The following GPBP1 variants were observed in gnomAD, a reference collection of about 807,000 sequenced individuals.
The protein encoded by GPBP1 is vasculin.
A neutral mutation model predicts 56.5 loss-of-function variants in GPBP1; 13 were observed. That is an observed-to-expected ratio of 0.23 (90% CI 0.15 to 0.37). The LOEUF (loss-of-function observed/expected upper bound fraction) is 0.37. Ranked by LOEUF, GPBP1 falls within the 10% of genes least tolerant of loss-of-function variation. The pLI, the probability that GPBP1 is intolerant of heterozygous loss-of-function variation, is 1.00. For missense variants in GPBP1, 477 were observed against 572.3 expected (o/e 0.83, Z 1.70); for synonymous variants, 204 against 188.9 (o/e 1.08, Z -0.66).
intron 2 of GPBP1, among the ~76,000 whole-genome samples, chr5:57,190,967 C>T (rs1045917877): frequency 6.6e-6 from 1 of 151,968 alleles, no homozygotes; most frequent in Non-Finnish European, 1.5e-5. Context: ...AACATGTTGT[C>T]TTGAACTCTA....
intron 6 of GPBP1, among the ~76,000 whole-genome samples, chr5:57,240,389 A>T (rs1740768007): frequency 6.6e-6 from 1 of 152,048 alleles, no homozygotes; most frequent in African/African-American, 2.4e-5. Context: ...CAATGTGATG[A>T]TGACTCTTGA....
intron 6 of GPBP1, among the ~76,000 whole-genome samples, chr5:57,243,870 G>T (rs117174517): frequency 0.015 from 2,326 of 151,472 alleles, 135 homozygotes; most frequent in East Asian, 0.099. Context: ...ATTTTTTTTT[G>T]TAGAGACAAA....
intron 2 of GPBP1, among the ~76,000 whole-genome samples, chr5:57,211,783 T>C (rs1755492686): frequency 6.6e-6 from 1 of 151,710 alleles, no homozygotes; most frequent in Admixed American, 6.6e-5. Context: ...AGGTTTCTCC[T>C]TGTTGGTCAA....
At chr5:57,181,058 G>A (rs1320352446) in intron 2 of GPBP1, among the ~76,000 whole-genome samples, 1 of 152,206 alleles carries the variant, frequency 6.6e-6, no homozygotes, top group Admixed American at 6.5e-5. Flanking sequence ...AGGGGGCCAG[G>A]TGCAGTGGCT....
At chr5:57,179,744 G>T (rs926867025) in intron 2 of GPBP1, among the ~76,000 whole-genome samples, 1 of 151,998 alleles carries the variant, frequency 6.6e-6, no homozygotes, top group Middle Eastern at 3.2e-3. Context: ...GGGATTACCC[G>T]CATGTGCCAC....
chr5:57,222,278 A>G (rs771361530), intron 3 of GPBP1, among the ~76,000 whole-genome samples: 1 of 152,154 alleles, frequency 6.6e-6, no homozygotes, highest in Non-Finnish European at 1.5e-5. Flanking sequence ...AGACACTCTT[A>G]TCTCCCCCTG....
chr5:57,243,009 A>T (rs1447104676), intron 6 of GPBP1, among the ~76,000 whole-genome samples: 5 of 151,512 alleles, frequency 3.3e-5, no homozygotes, highest in Non-Finnish European at 5.9e-5. Flanking sequence ...TCAGCCTCCC[A>T]AAGTGTTGGG....
intron 3 of GPBP1, among the ~76,000 whole-genome samples, chr5:57,217,311 G>A (rs772129131): frequency 6.6e-6 from 1 of 152,174 alleles, no homozygotes; most frequent in Admixed American, 6.5e-5. Context: ...GGTGGCTCAC[G>A]CCTATAATCC....
In GPBP1 at chr5:57,249,424, T is replaced by C. The variant is rs773916746; in HGVS notation, c.820T>C (p.Ser274Pro). The C allele has an allele frequency of 7.5e-6, 12 of 1,599,118 alleles. No individual in the cohort carries two copies. Among genetic ancestry groups the C allele is most frequent in the Non-Finnish European group, 1.0e-5 (12 of 1,175,138 alleles). Residue 274 changes from serine (S) to proline (P), a missense_variant, in exon 9 of 12, where the codon TCC becomes CCC. By Grantham distance (74) the Ser-to-Pro change is moderately conservative. Coordinates refer to ENST00000506184, the MANE Select transcript of GPBP1 (RefSeq NM_022913.4). ...NSVKECNRSN[S>P]SSPVDKLNQQ... is the part of the protein sequence containing the mutation. ...TTCCTCTTAGTGTAATCGCTCAAAT[T>C]CCTCTTCTCCTGTTGACAAACTTAA...
intron 3 of GPBP1, among the ~76,000 whole-genome samples, chr5:57,227,764 T>C (rs1756261935): frequency 6.6e-6 from 1 of 152,232 alleles, no homozygotes; most frequent in Non-Finnish European, 1.5e-5. Context: ...CTTTGTCTCA[T>C]GTCTTTTGCC....
chr5:57,235,962 C>T lies in GPBP1; in HGVS notation c.412-4C>T, dbSNP rs200932443. On this transcript the variant is annotated splice_polypyrimidine_tract_variant and splice_region_variant and intron_variant, in intron 5 of 11. Transcript: ENST00000506184. ...GTGAAATGTTTATTCCAACTTTCTT[C>T]CAGCCGTCTTTAAATCCTGAGTATG... The T allele has an allele frequency of 1.3e-4, 209 of 1,603,122 alleles. No individual in the cohort carries two copies. In the Middle Eastern group the frequency reaches 1.8e-3, roughly 14 times the overall value.
intron 3 of GPBP1, among the ~76,000 whole-genome samples, chr5:57,222,381 T>G (rs1334840095): frequency 1.3e-5 from 2 of 152,256 alleles, no homozygotes; most frequent in African/African-American, 4.8e-5. Flanking sequence ...TATCAGACTT[T>G]AAAATTCATC....
chr5:57,199,607 C>T (rs1277036842), intron 2 of GPBP1, among the ~76,000 whole-genome samples: 1 of 152,030 alleles, frequency 6.6e-6, no homozygotes, highest in Admixed American at 6.5e-5. Flanking sequence ...AGGTTTGTTA[C>T]ATATGTATAC....
At chr5:57,181,165 C>T (rs1319870766) in intron 2 of GPBP1, among the ~76,000 whole-genome samples, 2 of 152,126 alleles carry the variant, frequency 1.3e-5, no homozygotes, top group Non-Finnish European at 2.9e-5. Flanking sequence ...AAGACTGTCT[C>T]TCTACAAAAC....
intron 3 of GPBP1, among the ~76,000 whole-genome samples, chr5:57,229,487 CTTTCCT>C (rs1436326958): frequency 3.6e-5 from 5 of 138,454 alleles, no homozygotes; most frequent in Non-Finnish European, 6.3e-5. Flanking sequence ...TTTTCCTTTC[CTTTCCT>C]TTTCCTTTTT....
chr5:57,230,234 A>C (rs541589594), intron 3 of GPBP1, among the ~76,000 whole-genome samples: 14 of 152,152 alleles, frequency 9.2e-5, no homozygotes, highest in Non-Finnish European at 2.1e-4. Context: ...GCCCGGCCTA[A>C]AATTAAATTC....
intron 3 of GPBP1, among the ~76,000 whole-genome samples, chr5:57,214,753 T>A (rs1755633968): frequency 6.6e-6 from 1 of 152,150 alleles, no homozygotes; most frequent in African/African-American, 2.4e-5. Flanking sequence ...CCTCCTGGGT[T>A]CAAGCGATTC....
chr5:57,198,079 A>C (rs889783624), intron 2 of GPBP1, among the ~76,000 whole-genome samples: 1 of 152,176 alleles, frequency 6.6e-6, no homozygotes, highest in East Asian at 1.9e-4. Context: ...GTTTGCTTAT[A>C]TTCATGTAGA....
Position 57,260,765 on chromosome 5 carries a change from CA to C in GPBP1, c.1161-412del, listed in dbSNP as rs373779571. Among the ~76,000 whole-genome samples, 23 of 152,202 alleles carry C rather than the reference CA, an allele frequency of 1.5e-4. 1 individual carries two copies. The East Asian group carries it at 3.9e-3, about 26-fold the overall frequency. On this transcript the variant is annotated intron_variant, in intron 10 of 11. Coordinates refer to ENST00000506184, the MANE Select transcript of GPBP1 (RefSeq NM_022913.4). ...GAAACAAGCTTGGAGGTTTCCTGATCAAATGAAGTAGCTATTGATGCAGTGT... is the reference window on the plus strand; with the variant it reads ...GAAACAAGCTTGGAGGTTTCCTGATCAATGAAGTAGCTATTGATGCAGTGT...
Sources: gnomAD v4.1 joint callset for allele counts (sites outside exome capture counted in the v4.1 genomes callset) on GRCh38, gnomAD v4.1.1 for gene constraint, MANE v1.5 for transcripts, NCBI Gene and HGNC (gene_info 2026-07-23, HGNC 2026-07-21) for gene names.